The following INTS6 variants were observed in gnomAD, a reference collection of about 807,000 sequenced individuals.
INTS6 encodes integrator complex subunit 6, also known as DEAD box protein.
In INTS6, 16 loss-of-function variants were observed where a neutral mutation model predicts 104.9. The ratio of observed to expected loss-of-function variants is 0.15; its 90% CI spans 0.10 to 0.23. INTS6 has a LOEUF of 0.23. INTS6 is among the 10% of genes least tolerant of loss of function. INTS6 has a pLI of 1.00. For missense variants in INTS6, 584 were observed against 1,062.8 expected, an observed-to-expected ratio of 0.55 and a Z score of 6.26; for synonymous variants, 324 against 358.7, an observed-to-expected ratio of 0.90 and a Z score of 1.09.
At chr13:51,376,947 CTGAT>C (rs1392612029) in intron 12 of INTS6, among the ~76,000 whole-genome samples, 31 of 152,124 alleles carry the variant, frequency 2.0e-4, no homozygotes, top group Admixed American at 2.0e-3. Context: ...AGTAGAATGA[CTGAT>C]TGTACAGCAA....
At chr13:51,367,312 A>G (rs534295417) in intron 17 of INTS6, among the ~76,000 whole-genome samples, 1 of 152,148 alleles carries the variant, frequency 6.6e-6, no homozygotes, top group African/African-American at 2.4e-5. Flanking sequence ...TGGTTGCTTG[A>G]ATCCAATGAA....
chr13:51,346,385 G>A, the INTS6 span, among the ~76,000 whole-genome samples: 1 of 152,166 alleles, frequency 6.6e-6, no homozygotes. Flanking sequence ...CCAAGGGTCT[G>A]CCTGGGGAGG....
Position 51,452,542 on chromosome 13 carries a change from A to AC in INTS6, c.-18dup. 1.2e-6 allele frequency: 2 copies of AC among 1,608,214 alleles called. No homozygotes were observed. The highest frequency in any genetic ancestry group is 1.7e-6 in the Non-Finnish European group (2 of 1,176,440). On this transcript the variant is annotated 5_prime_UTR_variant, in exon 1 of 18. Transcript: ENST00000311234. The surrounding 1 kb of genome is among the most constrained non-coding windows in gnomAD (Gnocchi z 4.2). ...GATGGGCATAGTGCTGGCCGGGGACACCGGGGCCCGAGGTGGTGGAGAAAG... is the reference window on the plus strand; with the variant it reads ...GATGGGCATAGTGCTGGCCGGGGACACCCGGGGCCCGAGGTGGTGGAGAAAG...
At chr13:51,403,583 AAAAAAAAAAAG>A (rs61204660) in intron 4 of INTS6, among the ~76,000 whole-genome samples, 1,934 of 106,408 alleles carry the variant, frequency 0.018, 49 homozygotes, top group Admixed American at 0.081. Flanking sequence ...CTCCATTTCA[AAAAAAAAAAAG>A]AAAAAAAAAA....
At position 51,452,585 on chromosome 13, in the gene INTS6, G is replaced by T; in HGVS notation, c.-60C>A. 1.3e-6 allele frequency: 2 copies of T among 1,578,436 alleles called. No homozygotes were observed. Among genetic ancestry groups the T allele is most frequent in the Admixed American group, 3.5e-5 (2 of 57,232 alleles). ...GGAGAAAGAGGAGATGGTAGAGGTG[G>T]AGGCGCCGGTGGCGGCGACCGCCGC... On this transcript the variant is annotated 5_prime_UTR_variant, in exon 1 of 18. Transcript: ENST00000311234. The surrounding 1 kb of genome is among the most constrained non-coding windows in gnomAD (Gnocchi z 4.2).
chr13:51,337,207 A>G, the INTS6 span, among the ~76,000 whole-genome samples: 1 of 152,126 alleles, frequency 6.6e-6, no homozygotes, highest in African/African-American at 2.4e-5. Context: ...CTCCTGTACA[A>G]CCCCAGACAG....
chr13:51,435,615 A>C (rs1322251112), intron 3 of INTS6, among the ~76,000 whole-genome samples: 2 of 152,088 alleles, frequency 1.3e-5, no homozygotes, highest in Non-Finnish European at 2.9e-5. Flanking sequence ...TTTTGAAAAA[A>C]AATTTTGAAA....
chr13:51,444,330 C>G (rs961932893), intron 3 of INTS6: 6 of 144,380 alleles, frequency 4.2e-5, no homozygotes, highest in African/African-American at 1.5e-4. Context: ...GTCTCAAACT[C>G]CTGACCTCAA....
intron 4 of INTS6, among the ~76,000 whole-genome samples, chr13:51,406,299 C>G (rs1221832517): frequency 2.0e-5 from 3 of 152,128 alleles, no homozygotes; most frequent in South Asian, 4.1e-4. Context: ...GACACACCCC[C>G]CTGAATGGCT....
In INTS6 at chr13:51,362,104, C is replaced by G; in HGVS notation, c.*3648G>C. The G allele has an allele frequency of 6.8e-7, 1 of 1,478,334 alleles. No individual in the cohort carries two copies. Among genetic ancestry groups the G allele is most frequent in the South Asian group, 1.4e-5 (1 of 71,512 alleles). 91.6% of individuals were successfully genotyped at this position (1,478,334 alleles called of 1,614,324 possible). The stretch of plus-strand genomic sequence containing the variant: ...ACTTATCCTCCATGTTTTTTACCTT[C>G]TCATTCTCTCAGCTCATATATAGTT... On this transcript the variant is annotated 3_prime_UTR_variant, in exon 18 of 18. Coordinates refer to ENST00000311234, the MANE Select transcript of INTS6 (RefSeq NM_012141.3).
chr13:51,348,584 T>C, the INTS6 span: 1 of 599,172 alleles, frequency 1.7e-6, no homozygotes, highest in South Asian at 2.0e-5. Flanking sequence ...TTGAGTTCAT[T>C]TCAGAGCCAC....
chr13:51,411,365 C>A (rs1233095623), intron 4 of INTS6, among the ~76,000 whole-genome samples: 2 of 151,338 alleles, frequency 1.3e-5, no homozygotes, highest in Non-Finnish European at 2.9e-5. Flanking sequence ...ACCAGCCTGG[C>A]CAACATGGTG....
intron 4 of INTS6, among the ~76,000 whole-genome samples, chr13:51,399,556 T>C (rs1352842367): frequency 6.6e-5 from 10 of 152,210 alleles, no homozygotes; most frequent in Non-Finnish European, 1.3e-4. Context: ...TTGCTGGATA[T>C]GAATATGTTT....
intron 9 of INTS6, among the ~76,000 whole-genome samples, chr13:51,382,445 G>A (rs1018790232): frequency 3.3e-5 from 5 of 152,116 alleles, no homozygotes; most frequent in African/African-American, 9.7e-5. Context: ...TAAAATATAC[G>A]TACTAATATT....
At chr13:51,337,819 T>C in the INTS6 span, among the ~76,000 whole-genome samples, 2 of 152,160 alleles carry the variant, frequency 1.3e-5, no homozygotes, top group African/African-American at 4.8e-5. Flanking sequence ...AAATTACAAA[T>C]AAATATCTCC....
intron 3 of INTS6, chr13:51,441,367 T>C (rs926103083): frequency 6.6e-6 from 1 of 152,226 alleles, no homozygotes; most frequent in African/African-American, 2.4e-5. Context: ...TCCTTAATCT[T>C]TATCACAGTT....
chr13:51,342,428 G>A, the INTS6 span, among the ~76,000 whole-genome samples: 1 of 152,140 alleles, frequency 6.6e-6, no homozygotes, highest in East Asian at 1.9e-4. Flanking sequence ...ACTGTCAAAA[G>A]CATTCAGTGT....
chr13:51,362,915 T>C lies in INTS6; in HGVS notation c.*2837A>G, dbSNP rs1955610089. 1 of 152,220 alleles carries C rather than the reference T, an allele frequency of 6.6e-6. No individual in the cohort carries two copies. Among genetic ancestry groups the C allele is most frequent in the Middle Eastern group, 3.4e-3 (1 of 294 alleles). The allele number at this position is 152,220 out of a possible 1,614,324, so 9.4% of individuals were successfully genotyped here. A position where few individuals can be genotyped will look rare whatever the true frequency, so the allele number is the denominator to read the frequency against. On this transcript the variant is annotated 3_prime_UTR_variant, in exon 18 of 18. Coordinates refer to ENST00000311234, the MANE Select transcript of INTS6 (RefSeq NM_012141.3). Reference sequence around the variant, plus strand: ...GGAGAGAAAAAGTCCATCAACAGAGTATGTCTTCCTAGTATTTCACCATGA... The same window carrying C: ...GGAGAGAAAAAGTCCATCAACAGAGCATGTCTTCCTAGTATTTCACCATGA...
chr13:51,381,983 G>A (rs374745709), intron 10 of INTS6, 46 bp downstream of exon 10: 16 of 1,302,306 alleles, frequency 1.2e-5, no homozygotes, highest in Non-Finnish European at 1.6e-5. Flanking sequence ...TTACAGGCGT[G>A]AGTCACTGCG....
Sources: gnomAD v4.1 joint callset for allele counts (sites outside exome capture counted in the v4.1 genomes callset) on GRCh38, gnomAD v4.1.1 for gene constraint, Gnocchi (gnomAD v3.1) non-coding constraint, MANE v1.5 for transcripts, NCBI Gene and HGNC (gene_info 2026-07-23, HGNC 2026-07-21) for gene names.